The following ATF7IP2 variants were observed in gnomAD, a reference collection of about 807,000 sequenced individuals.
ATF7IP2 encodes the protein activating transcription factor 7 interacting protein 2, also known as activating transcription factor 7-interacting protein 2.
A neutral mutation model predicts 64.2 loss-of-function variants in ATF7IP2; 42 were observed. That is an observed-to-expected ratio of 0.65 (90% confidence interval 0.51 to 0.85). The LOEUF (loss-of-function observed/expected upper bound fraction) is 0.85. Ranked by LOEUF, ATF7IP2 falls within the 40% of genes least tolerant of loss-of-function variation. The probability of loss-of-function intolerance (pLI) is 0.00; values close to 1 mark genes in which losing one functional copy is unlikely to be tolerated. For missense variants in ATF7IP2, 933 were observed against 784.2 expected, an observed-to-expected ratio of 1.19 and a Z score of -2.27; for synonymous variants, 308 against 272.8, an observed-to-expected ratio of 1.13 and a Z score of -1.27.
intron 13 of ATF7IP2, among the ~76,000 whole-genome samples, chr16:10,481,583 G>T (rs1022611646): frequency 1.3e-5 from 2 of 152,124 alleles, no homozygotes; most frequent in Non-Finnish European, 2.9e-5. Context: ...GTTTGAGAGC[G>T]CAATTTGGAA....
intron 12 of ATF7IP2, among the ~76,000 whole-genome samples, chr16:10,474,441 T>A (rs1037977194): frequency 2.6e-5 from 4 of 152,192 alleles, no homozygotes; most frequent in Admixed American, 6.5e-5. Flanking sequence ...TGGGGACTTT[T>A]ACACATTTAT....
intron 3 of ATF7IP2, among the ~76,000 whole-genome samples, chr16:10,421,810 T>C (rs1303298327): frequency 6.6e-6 from 1 of 152,236 alleles, no homozygotes; most frequent in Non-Finnish European, 1.5e-5. Flanking sequence ...TGTTGGACTG[T>C]TTAGCATGCC....
At chr16:10,415,040 TG>T (rs1720702651) in intron 2 of ATF7IP2, among the ~76,000 whole-genome samples, 1 of 152,184 alleles carries the variant, frequency 6.6e-6, no homozygotes, top group Admixed American at 6.5e-5. Flanking sequence ...ATTGTTAAAA[TG>T]TTCATACTGC....
At chr16:10,452,030 C>A (rs1462234211) in intron 8 of ATF7IP2, among the ~76,000 whole-genome samples, 2 of 151,750 alleles carry the variant, frequency 1.3e-5, no homozygotes, top group East Asian at 3.9e-4. Flanking sequence ...CCAGCCTGGG[C>A]GACAAGAGCA....
At chr16:10,402,279 T>G (rs2047550176) in intron 1 of ATF7IP2, among the ~76,000 whole-genome samples, 1 of 152,194 alleles carries the variant, frequency 6.6e-6, no homozygotes, top group Admixed American at 6.5e-5. Context: ...TATGTCGTTT[T>G]TCTATTTTCA....
At position 10,418,819 on chromosome 16, in the gene ATF7IP2, G is replaced by A. The variant is rs112028462; in HGVS notation, c.-202-762G>A. ...AATCCTTATGTTTAGCTCCTAGAGC[G>A]GGCCATATCATTTGAGGTTGAGGTG... On this transcript the variant is annotated intron_variant, in intron 2 of 13. Transcript: ENST00000562102. Among the ~76,000 whole-genome samples the A allele has an allele frequency of 8.6e-3, 1,306 of 152,246 alleles. 15 individuals are homozygous for A. The highest frequency in any genetic ancestry group is 0.029 in the African/African-American group (1,194 of 41,532).
chr16:10,424,378 G>T (rs958503567), intron 3 of ATF7IP2, among the ~76,000 whole-genome samples: 1 of 152,080 alleles, frequency 6.6e-6, no homozygotes, highest in African/African-American at 2.4e-5. Flanking sequence ...AACTGAAAAT[G>T]GATCAAAAAC....
intron 8 of ATF7IP2, among the ~76,000 whole-genome samples, chr16:10,443,143 C>T (rs531220759): frequency 5.9e-5 from 9 of 152,320 alleles, no homozygotes; most frequent in Admixed American, 5.9e-4. Context: ...GGGTCCACCA[C>T]AGTACCACAA....
At chr16:10,421,760 G>A (rs547176283) in intron 3 of ATF7IP2, among the ~76,000 whole-genome samples, 4 of 152,296 alleles carry the variant, frequency 2.6e-5, no homozygotes, top group African/African-American at 4.8e-5. Context: ...CATTTTTTAC[G>A]AGTAGATTCA....
chr16:10,480,059 G>C (rs2050164969), intron 12 of ATF7IP2, among the ~76,000 whole-genome samples: 1 of 134,998 alleles, frequency 7.4e-6, no homozygotes, highest in African/African-American at 2.7e-5. Context: ...CTTGATCTTG[G>C]CTCACTTCAA....
chr16:10,418,829 A>G (rs2047930080), intron 2 of ATF7IP2, among the ~76,000 whole-genome samples: 2 of 152,130 alleles, frequency 1.3e-5, no homozygotes, highest in East Asian at 1.9e-4. Context: ...GGGCCATATC[A>G]TTTGAGGTTG....
intron 5 of ATF7IP2, among the ~76,000 whole-genome samples, chr16:10,433,149 G>C (rs1232044775): frequency 6.6e-6 from 1 of 152,038 alleles, no homozygotes; most frequent in Non-Finnish European, 1.5e-5. Flanking sequence ...TTTGCTCAGA[G>C]GGTCTCTAAA....
At chr16:10,415,425 A>G (rs2047852181) in intron 2 of ATF7IP2, among the ~76,000 whole-genome samples, 1 of 152,260 alleles carries the variant, frequency 6.6e-6, no homozygotes, top group Non-Finnish European at 1.5e-5. Context: ...GGCTATTCAC[A>G]TACAGAAGAA....
intron 1 of ATF7IP2, among the ~76,000 whole-genome samples, chr16:10,401,266 C>T (rs1262766468): frequency 6.6e-6 from 1 of 152,022 alleles, no homozygotes; most frequent in Non-Finnish European, 1.5e-5. Context: ...CTCCCAGGTT[C>T]AAGCGATTCT....
intron 8 of ATF7IP2, among the ~76,000 whole-genome samples, chr16:10,452,328 G>A (rs929253178): frequency 2.0e-5 from 3 of 152,188 alleles, no homozygotes; most frequent in African/African-American, 7.2e-5. Flanking sequence ...TTTTGTTGAT[G>A]TTGATGCTAT....
chr16:10,474,526 CTG>C (rs1333271135), intron 12 of ATF7IP2, among the ~76,000 whole-genome samples: 1 of 152,074 alleles, frequency 6.6e-6, no homozygotes, highest in East Asian at 1.9e-4. Context: ...GAAACAGAAA[CTG>C]GGGTATAACA....
At chr16:10,397,095 A>C (rs573402292) in intron 1 of ATF7IP2, among the ~76,000 whole-genome samples, 17 of 152,278 alleles carry the variant, frequency 1.1e-4, no homozygotes, top group African/African-American at 2.4e-4. Context: ...ATTCTTTCCA[A>C]ATTGTATGTT....
chr16:10,407,935 C>T (rs959922452), intron 1 of ATF7IP2, among the ~76,000 whole-genome samples: 50 of 149,684 alleles, frequency 3.3e-4, no homozygotes, highest in African/African-American at 1.0e-3. Context: ...TTTTTTTAGA[C>T]GGAGTCTCGC....
chr16:10,427,646 A>C (rs2048110907), intron 3 of ATF7IP2, among the ~76,000 whole-genome samples: 2 of 152,194 alleles, frequency 1.3e-5, no homozygotes, highest in Non-Finnish European at 1.5e-5. Context: ...ACTTCAGCCC[A>C]GGAGTTTCAG....
Sources: gnomAD v4.1 joint callset for allele counts (sites outside exome capture counted in the v4.1 genomes callset) on GRCh38, gnomAD v4.1.1 for gene constraint, MANE v1.5 for transcripts, NCBI Gene and HGNC (gene_info 2026-07-23, HGNC 2026-07-21) for gene names.